MREG: variants seen among roughly 807,000 people sequenced by gnomAD.
The protein encoded by MREG is dilute suppressor protein homolog.
Under a neutral mutation model 28.5 loss-of-function variants are expected in MREG, and 31 were observed. That is an observed-to-expected ratio of 1.09 (90% CI 0.82 to 1.47). The LOEUF is 1.47. MREG is among the 40% of genes most tolerant of loss of function. The pLI is 0.00. For missense variants in MREG, 256 were observed against 257.4 expected (o/e 0.99, Z 0.04); for synonymous variants, 106 against 95.2 (o/e 1.11, Z -0.66).
chr2:216,017,038 C>G (rs757280091), upstream of MREG, among the ~76,000 whole-genome samples: 1 of 152,208 alleles, frequency 6.6e-6, no homozygotes, highest in Non-Finnish European at 1.5e-5. Context: ...CTTTCTACCT[C>G]CACCCTCCAC....
rs145855728 is a variant in MREG, at chr2:215,989,552, A to T, written c.255+6754T>A. Among the ~76,000 whole-genome samples, 43 of 152,204 alleles carry T rather than the reference A, an allele frequency of 2.8e-4. No homozygotes were observed. In the East Asian group the frequency reaches 8.2e-3, roughly 29 times the overall value. ...ACTGGACAGAGAATGAGTTTGACAA[A>T]TTGACAGACGTAGACCTCAGAAAGT... On this transcript the variant is annotated intron_variant, in intron 2 of 4. Transcript: ENST00000263268.
intron 1 of MREG, among the ~76,000 whole-genome samples, chr2:215,999,114 G>C (rs1278067295): frequency 6.6e-6 from 1 of 152,218 alleles, no homozygotes; most frequent in Non-Finnish European, 1.5e-5. Context: ...GAGCCCACGG[G>C]GTTGGGGAAT....
upstream of MREG, among the ~76,000 whole-genome samples, chr2:216,016,566 TAATCTATGAAATA>T (rs1694452045): frequency 6.6e-6 from 1 of 152,240 alleles, no homozygotes; most frequent in Non-Finnish European, 1.5e-5. Flanking sequence ...CTCAGTTTTC[TAATCTATGAAATA>T]GAGGTGACAA....
At chr2:216,023,675 AGT>A (rs774254005) in intron 1 of MREG, among the ~76,000 whole-genome samples, 30 of 151,780 alleles carry the variant, frequency 2.0e-4, no homozygotes, top group Non-Finnish European at 4.1e-4. Context: ...TATTTCTCTG[AGT>A]GTGTGTGTGT....
chr2:215,940,263 C>G (rs1692182392), downstream of MREG, among the ~76,000 whole-genome samples: 1 of 152,184 alleles, frequency 6.6e-6, no homozygotes, highest in Non-Finnish European at 1.5e-5. Flanking sequence ...TTGTAAATAG[C>G]AAGTTCAAAG....
chr2:215,999,971 G>A (rs935964747), intron 1 of MREG, among the ~76,000 whole-genome samples: 2 of 152,190 alleles, frequency 1.3e-5, no homozygotes, highest in East Asian at 1.9e-4. Context: ...AGAAGGAAGA[G>A]AATAGGTGAG....
intron 1 of MREG, among the ~76,000 whole-genome samples, chr2:215,998,907 A>ATT (rs59061156): frequency 6.6e-6 from 1 of 152,044 alleles, no homozygotes; most frequent in East Asian, 1.9e-4. Context: ...AGATCAGTAC[A>ATT]TTTTTTTAAA....
chr2:215,970,996 TGAAGCTG>T (rs1693075871), intron 2 of MREG, among the ~76,000 whole-genome samples: 1 of 152,116 alleles, frequency 6.6e-6, no homozygotes, highest in South Asian at 2.1e-4. Context: ...GGGACATGGA[TGAAGCTG>T]GAAGCCATAA....
chr2:215,958,696 T>C (rs182160396), intron 2 of MREG, among the ~76,000 whole-genome samples: 63 of 152,350 alleles, frequency 4.1e-4, no homozygotes, highest in Non-Finnish European at 1.5e-4. Flanking sequence ...TCTTCAGGCC[T>C]GCTCTCTAGG....
intron 2 of MREG, among the ~76,000 whole-genome samples, chr2:215,963,464 CAG>C (rs1452767867): frequency 1.1e-4 from 14 of 125,296 alleles, no homozygotes; most frequent in African/African-American, 4.7e-4. Context: ...AACAAAAAAA[CAG>C]AGTTTTTATA....
upstream of MREG, among the ~76,000 whole-genome samples, chr2:216,018,370 G>A (rs1003900321): frequency 2.0e-5 from 3 of 152,162 alleles, no homozygotes; most frequent in Non-Finnish European, 2.9e-5. Flanking sequence ...TATCCCCAAC[G>A]CCTAGAACAG....
rs573253968 is a variant in MREG at position 215,983,756 on chromosome 2, T to C, written c.255+12550A>G. ...GCCAAGTGTGGTTTTCAGAGATCAC[T>C]CCAGCCACACAAGCATCTGGTGACC... is the stretch of plus-strand genomic sequence containing the variant. On this transcript the variant is annotated intron_variant, in intron 2 of 4. Coordinates refer to ENST00000263268, the MANE Select transcript of MREG (RefSeq NM_018000.3). Among the ~76,000 whole-genome samples, 474 of 152,302 alleles carry C rather than the reference T, an allele frequency of 3.1e-3. 1 individual carries two copies. Among genetic ancestry groups the C allele is most frequent in the African/African-American group, 0.011 (453 of 41,566 alleles).
chr2:215,973,295 G>C (rs995334625), intron 2 of MREG, among the ~76,000 whole-genome samples: 1 of 152,196 alleles, frequency 6.6e-6, no homozygotes, highest in African/African-American at 2.4e-5. Flanking sequence ...AACGGCTCAA[G>C]AGCATGTACT....
intron 1 of MREG, among the ~76,000 whole-genome samples, chr2:216,028,949 G>T (rs1694638960): frequency 6.6e-6 from 1 of 151,936 alleles, no homozygotes; most frequent in Non-Finnish European, 1.5e-5. Context: ...TTTTCTCTGA[G>T]AGAGAAAAAG....
chr2:215,955,154 C>G (rs1158420790), intron 2 of MREG, among the ~76,000 whole-genome samples: 3 of 152,192 alleles, frequency 2.0e-5, no homozygotes, highest in Admixed American at 1.3e-4. Context: ...ATACCTTGCA[C>G]TTTTCACTTA....
At chr2:216,028,744 A>G (rs1322914193) in intron 1 of MREG, among the ~76,000 whole-genome samples, 1 of 152,098 alleles carries the variant, frequency 6.6e-6, no homozygotes, top group East Asian at 1.9e-4. Flanking sequence ...TATAGTGTTA[A>G]GGTAATGCAT....
At chr2:216,026,608 G>A (rs1162583063) in intron 1 of MREG, among the ~76,000 whole-genome samples, 7 of 152,060 alleles carry the variant, frequency 4.6e-5, no homozygotes, top group South Asian at 4.2e-4. Context: ...CAATCCACCC[G>A]CCTCTGCCTC....
At chr2:216,009,648 G>A (rs368091583) in intron 1 of MREG, among the ~76,000 whole-genome samples, 4 of 152,246 alleles carry the variant, frequency 2.6e-5, no homozygotes, top group African/African-American at 9.6e-5. Context: ...CGATTCTCCT[G>A]CCTCAGCCTC....
At chr2:215,954,077 C>A (rs541238959) in intron 2 of MREG, among the ~76,000 whole-genome samples, 1 of 152,276 alleles carries the variant, frequency 6.6e-6, no homozygotes, top group African/African-American at 2.4e-5. Context: ...TATGGTGCCT[C>A]CCCTGAATTC....
Sources: allele counts gnomAD v4.1 joint callset (sites outside exome capture counted in the v4.1 genomes callset), GRCh38; gene constraint gnomAD v4.1.1; transcripts MANE v1.5; gene names NCBI Gene and HGNC (gene_info 2026-07-23, HGNC 2026-07-21).